Variants in SLC25A12 observed in about 807,000 individuals in gnomAD.
The protein encoded by SLC25A12 is electrogenic aspartate/glutamate antiporter SLC25A12, mitochondrial.
A neutral mutation model predicts 83.3 loss-of-function variants in SLC25A12; 32 were observed. The ratio of observed to expected loss-of-function variants is 0.38; its 90% CI spans 0.29 to 0.52. The LOEUF (loss-of-function observed/expected upper bound fraction) is 0.52. Ranked by LOEUF, SLC25A12 falls within the 20% of genes least tolerant of loss-of-function variation. The pLI is 0.84. For synonymous variants in SLC25A12, 267 were observed against 291.1 expected (o/e 0.92, Z 0.84); for missense variants, 611 against 835.6 (o/e 0.73, Z 3.31).
chr2:171,857,807 C>T (rs1685077067), intron 3 of SLC25A12, among the ~76,000 whole-genome samples: 1 of 151,718 alleles, frequency 6.6e-6, no homozygotes, highest in African/African-American at 2.4e-5. Flanking sequence ...ATGAGGATCA[C>T]TTGAGCCCAG....
chr2:171,875,695 C>T (rs181521407), intron 2 of SLC25A12, among the ~76,000 whole-genome samples: 275 of 151,952 alleles, frequency 1.8e-3, no homozygotes, highest in African/African-American at 6.1e-3. Context: ...GGGTGGATCA[C>T]GAGGTCAGGA....
intron 9 of SLC25A12, among the ~76,000 whole-genome samples, chr2:171,817,808 C>A (rs1233662394): frequency 1.3e-5 from 2 of 151,946 alleles, no homozygotes; most frequent in Admixed American, 6.6e-5. Context: ...ACCACTAATA[C>A]CCTTATTCAT....
At position 171,785,454 on chromosome 2, in the gene SLC25A12, T is replaced by C; in HGVS notation, c.1857A>G (p.Pro619=). ...FGGLKPAGSE[P]TPKSRIADLP... ...GGTCTGCAATGCGTGACTTAGGTGTTGGTTCTGAACCAGCGGGTTTGCTGT... is the reference window on the plus strand; with the variant it reads ...GGTCTGCAATGCGTGACTTAGGTGTCGGTTCTGAACCAGCGGGTTTGCTGT... The change falls in exon 18 of 18, where the codon CCA becomes CCG. Residue 619 remains proline, a synonymous_variant. Transcript: ENST00000422440. 3 of 1,614,198 alleles carry C rather than the reference T, an allele frequency of 1.9e-6. No individual in the cohort carries two copies. The highest frequency in any genetic ancestry group is 2.5e-6 in the Non-Finnish European group (3 of 1,180,042).
chr2:171,805,301 G>A (rs1683802433), intron 13 of SLC25A12, among the ~76,000 whole-genome samples: 1 of 152,036 alleles, frequency 6.6e-6, no homozygotes, highest in African/African-American at 2.4e-5. Flanking sequence ...AGTAGAGACG[G>A]GGTTTCACTA....
chr2:171,857,039 A>G (rs986225195), intron 3 of SLC25A12, among the ~76,000 whole-genome samples: 1 of 152,194 alleles, frequency 6.6e-6, no homozygotes, highest in Non-Finnish European at 1.5e-5. Flanking sequence ...AATTTACATT[A>G]TTCTCTGTGT....
intron 15 of SLC25A12, chr2:171,789,052 C>T (rs1384200426): frequency 2.0e-5 from 3 of 152,224 alleles, no homozygotes; most frequent in Non-Finnish European, 4.4e-5. Flanking sequence ...TCTTCTCTGG[C>T]TGTTTTTCAT....
chr2:171,882,226 G>A (rs1274394342), intron 2 of SLC25A12, among the ~76,000 whole-genome samples: 1 of 152,046 alleles, frequency 6.6e-6, no homozygotes, highest in Admixed American at 6.6e-5. Context: ...GTAACTGCAT[G>A]CTAATTTTTC....
chr2:171,804,350 C>T (rs1304980198), intron 13 of SLC25A12, among the ~76,000 whole-genome samples: 2 of 152,098 alleles, frequency 1.3e-5, no homozygotes, highest in African/African-American at 4.8e-5. Flanking sequence ...CCTCCGCCTC[C>T]CAGGCTCAAG....
At chr2:171,817,180 T>C (rs1402539016) in intron 9 of SLC25A12, among the ~76,000 whole-genome samples, 1 of 152,204 alleles carries the variant, frequency 6.6e-6, no homozygotes, top group Non-Finnish European at 1.5e-5. Context: ...AAATGTTTGC[T>C]ATCTAAACCA....
chr2:171,821,857 T>C (rs1046492591), intron 9 of SLC25A12, among the ~76,000 whole-genome samples: 6 of 152,216 alleles, frequency 3.9e-5, no homozygotes, highest in Non-Finnish European at 7.3e-5. Context: ...CTTATTAATC[T>C]TTTTCTTTAT....
chr2:171,867,263 T>C (rs975921354), intron 3 of SLC25A12, among the ~76,000 whole-genome samples: 18 of 149,386 alleles, frequency 1.2e-4, no homozygotes, highest in African/African-American at 2.9e-4. Flanking sequence ...TCTCGGCACT[T>C]TGGGAGGCCA....
intron 13 of SLC25A12, among the ~76,000 whole-genome samples, chr2:171,796,253 A>T (rs76674291): frequency 0.026 from 4,034 of 152,360 alleles, 62 homozygotes; most frequent in Middle Eastern, 0.037. Flanking sequence ...AGCTGGGACT[A>T]CATTTTAAAA....
chr2:171,881,455 T>C (rs1685693166), intron 2 of SLC25A12, among the ~76,000 whole-genome samples: 1 of 152,120 alleles, frequency 6.6e-6, no homozygotes, highest in African/African-American at 2.4e-5. Context: ...CAAAACCCCA[T>C]ATTTTCTGTG....
At position 171,787,792 on chromosome 2, in the gene SLC25A12, C is replaced by CA; in HGVS notation, c.1740dup (p.Ala581CysfsTer19). 2.5e-6 allele frequency: 4 copies of CA among 1,614,216 alleles called. No homozygotes were observed. Among genetic ancestry groups the CA allele is most frequent in the Non-Finnish European group, 3.4e-6 (4 of 1,180,018 alleles). On this transcript the variant is annotated frameshift_variant, in exon 16 of 18. Transcript: ENST00000422440. LOFTEE classifies it high-confidence loss of function. ...TATGGCTCCAGCCCCTGCCTACCTG[C>CA]AGTCCCTTTCCAAAATGCTGAGGGC...
chr2:171,847,970 T>C (rs1309728474), intron 4 of SLC25A12, among the ~76,000 whole-genome samples: 1 of 152,232 alleles, frequency 6.6e-6, no homozygotes, highest in Non-Finnish European at 1.5e-5. Context: ...TTAGTCAGTT[T>C]AGCTGTATCA....
chr2:171,803,996 A>G (rs968493693), intron 13 of SLC25A12, among the ~76,000 whole-genome samples: 3 of 152,170 alleles, frequency 2.0e-5, no homozygotes, highest in Non-Finnish European at 2.9e-5. Flanking sequence ...GTATATACCC[A>G]AGAGAAATGA....
chr2:171,786,403 A>G lies in SLC25A12; in HGVS notation c.1836-928T>C, dbSNP rs7593547. Among the ~76,000 whole-genome samples the G allele has an allele frequency of 1.9e-3, 274 of 146,380 alleles. 1 individual carries two copies. Among genetic ancestry groups the G allele is most frequent in the East Asian group, 0.012 (61 of 5,010 alleles). ...CGTCTAAAAAAAAAAAAAAAAAAAA[A>G]AGAGAGAGAGAGAAATAGCTTTAGT... is the stretch of plus-strand genomic sequence containing the variant. On this transcript the variant is annotated intron_variant, in intron 17 of 17. Coordinates refer to ENST00000422440, the MANE Select transcript of SLC25A12 (RefSeq NM_003705.5).
chr2:171,855,534 G>T (rs937310857), intron 4 of SLC25A12, among the ~76,000 whole-genome samples: 1 of 151,964 alleles, frequency 6.6e-6, no homozygotes, highest in Non-Finnish European at 1.5e-5. Flanking sequence ...AATCGACCTT[G>T]TAAGGAATTT....
At chr2:171,848,087 C>T in intron 4 of SLC25A12, 1 of 444,458 alleles carries the variant, frequency 2.2e-6, no homozygotes, top group East Asian at 7.1e-5. Flanking sequence ...TACTGTGTCT[C>T]CCCATCTCAT....
Sources: allele counts gnomAD v4.1 joint callset (sites outside exome capture counted in the v4.1 genomes callset), GRCh38; gene constraint gnomAD v4.1.1; transcripts MANE v1.5; gene names NCBI Gene and HGNC (gene_info 2026-07-23, HGNC 2026-07-21).